GAS7: variants seen among roughly 807,000 people sequenced by gnomAD.
The protein encoded by GAS7 is growth arrest-specific protein 7.
A neutral mutation model predicts 71.1 loss-of-function variants in GAS7; 28 were observed. The ratio of observed to expected loss-of-function variants is 0.39; its 90% CI spans 0.29 to 0.54. The LOEUF (loss-of-function observed/expected upper bound fraction) is 0.54, where lower values mean the gene tolerates loss of function less well. Among genes scored for constraint, GAS7 ranks in the 20% least tolerant of loss-of-function variants. GAS7 has a pLI of 0.62. For synonymous variants in GAS7, 258 were observed against 245.8 expected, an observed-to-expected ratio of 1.05 and a Z score of -0.46; for missense variants, 436 against 627.8, an observed-to-expected ratio of 0.69 and a Z score of 3.27.
At chr17:10,172,342 C>G (rs1347549228) in intron 1 of GAS7, among the ~76,000 whole-genome samples, 1 of 152,170 alleles carries the variant, frequency 6.6e-6, no homozygotes, top group African/African-American at 2.4e-5. Context: ...CCGGCCCTGC[C>G]CAAGGATTCC....
intron 3 of GAS7, among the ~76,000 whole-genome samples, chr17:9,970,401 G>A (rs1217569634): frequency 6.6e-6 from 1 of 152,152 alleles, no homozygotes; most frequent in African/African-American, 2.4e-5. Flanking sequence ...AGGCCGAGGT[G>A]GGCGGATCAT....
intron 1 of GAS7, among the ~76,000 whole-genome samples, chr17:10,073,349 T>G (rs138188329): frequency 6.6e-6 from 1 of 152,184 alleles, no homozygotes; most frequent in East Asian, 1.9e-4. Context: ...CAAGGGGCAC[T>G]CCTCCCCAGC....
At chr17:10,110,471 T>C (rs577954364) in intron 1 of GAS7, among the ~76,000 whole-genome samples, 1 of 152,110 alleles carries the variant, frequency 6.6e-6, no homozygotes, top group Admixed American at 6.5e-5. Context: ...TATAAGTTCT[T>C]TTCTTTTTTT....
intron 1 of GAS7, among the ~76,000 whole-genome samples, chr17:10,079,383 G>A (rs1196248391): frequency 6.6e-6 from 1 of 152,146 alleles, no homozygotes; most frequent in African/African-American, 2.4e-5. Context: ...GATCATGAAG[G>A]GAAATGGGGA....
At position 10,195,352 on chromosome 17, in the gene GAS7, C is replaced by T. The variant is rs149238883; in HGVS notation, c.183+2856G>A. On this transcript the variant is annotated intron_variant, in intron 1 of 13. Transcript: ENST00000432992. ...GGTCTCTCGGTTCCCCTTGCTTCAT[C>T]TGAACAAGGAAGATCTCCTTGGGAA... 3.1e-3 allele frequency among the ~76,000 whole-genome samples: 472 copies of T among 152,316 alleles called. 3 individuals are homozygous for T. The highest frequency in any genetic ancestry group is 0.011 in the African/African-American group (455 of 41,560).
Position 10,188,585 on chromosome 17 carries a change from A to G in GAS7, c.183+9623T>C, listed in dbSNP as rs144736238. Among the ~76,000 whole-genome samples, 729 of 152,280 alleles carry G rather than the reference A, an allele frequency of 4.8e-3. 9 individuals carry two copies. Among genetic ancestry groups the G allele is most frequent in the African/African-American group, 0.017 (692 of 41,564 alleles). ...TTTTTAATTAAATTTGCAATTATTC[A>G]ATCACTGGCGAGACTAAATAGTTGA... is the stretch of plus-strand genomic sequence containing the variant. On this transcript the variant is annotated intron_variant, in intron 1 of 13. Transcript: ENST00000432992.
At chr17:10,005,738 G>A (rs2071504760) in intron 2 of GAS7, among the ~76,000 whole-genome samples, 1 of 152,152 alleles carries the variant, frequency 6.6e-6, no homozygotes, top group African/African-American at 2.4e-5. Flanking sequence ...TCCAGCAAGT[G>A]ACATCTACCC....
At chr17:9,990,130 G>A (rs532861982) in intron 2 of GAS7, among the ~76,000 whole-genome samples, 24 of 152,304 alleles carry the variant, frequency 1.6e-4, no homozygotes, top group Middle Eastern at 3.4e-3. Context: ...TTAGCCGGGC[G>A]TGGTGGCAGG....
chr17:10,165,911 C>T (rs766048589), intron 1 of GAS7, among the ~76,000 whole-genome samples: 15 of 152,164 alleles, frequency 9.9e-5, no homozygotes, highest in Admixed American at 2.0e-4. Flanking sequence ...GGATGCCTCC[C>T]TATTACACAG....
At chr17:10,176,167 A>C (rs1233915437) in intron 1 of GAS7, among the ~76,000 whole-genome samples, 1 of 152,218 alleles carries the variant, frequency 6.6e-6, no homozygotes, top group Non-Finnish European at 1.5e-5. Context: ...CAAATGATTA[A>C]AGCTTGTCTG....
Position 9,914,020 on chromosome 17 carries a change from A to C in GAS7, c.*3208T>G, listed in dbSNP as rs73974334. 9,816 of 230,228 alleles carry C rather than the reference A, an allele frequency of 0.043. 374 individuals are homozygous for C. Among genetic ancestry groups the C allele is most frequent in the African/African-American group, 0.12 (5,435 of 45,152 alleles). 14.3% of individuals were successfully genotyped at this position (230,228 alleles called of 1,614,324 possible). A position where few individuals can be genotyped will look rare whatever the true frequency, so the allele number is the denominator to read the frequency against. ...ACCTAAGCACCAAGACATAAAACAA[A>C]ACAACAACCCGGATAGCGTGCTTGC... is the stretch of plus-strand genomic sequence containing the variant. On this transcript the variant is annotated 3_prime_UTR_variant, in exon 14 of 14. Coordinates refer to ENST00000432992, the MANE Select transcript of GAS7 (RefSeq NM_201433.2).
intron 5 of GAS7, among the ~76,000 whole-genome samples, chr17:9,952,270 C>T (rs2152105443): frequency 6.6e-6 from 1 of 152,352 alleles, no homozygotes; most frequent in African/African-American, 2.4e-5. Context: ...TTAGCAGGGA[C>T]AGGGACAGCC....
intron 1 of GAS7, among the ~76,000 whole-genome samples, chr17:10,090,399 A>C (rs908968244): frequency 6.6e-6 from 1 of 152,230 alleles, no homozygotes; most frequent in Non-Finnish European, 1.5e-5. Flanking sequence ...AATAACCTTG[A>C]GTTTGTCCTG....
intron 1 of GAS7, among the ~76,000 whole-genome samples, chr17:10,134,687 C>CTTGAATTGAATACAAGAATTCA (rs2074024979): frequency 6.6e-6 from 1 of 152,120 alleles, no homozygotes; most frequent in Non-Finnish European, 1.5e-5. Flanking sequence ...AAGGGCAATC[C>CTTGAATTGAATACAAGAATTCA]ATGTGGTAGG....
intron 1 of GAS7, among the ~76,000 whole-genome samples, chr17:10,128,074 C>G (rs1032860917): frequency 6.6e-6 from 1 of 152,196 alleles, no homozygotes; most frequent in Non-Finnish European, 1.5e-5. Flanking sequence ...GGCCTGGGAG[C>G]CAGGGCTCGG....
intron 1 of GAS7, among the ~76,000 whole-genome samples, chr17:10,044,302 C>T (rs11649799): frequency 0.36 from 54,048 of 152,094 alleles, 10,132 homozygotes; most frequent in African/African-American, 0.48. Flanking sequence ...CAGGGCTGAT[C>T]AGCATCACAT....
At chr17:10,044,194 T>C (rs555855813) in intron 1 of GAS7, among the ~76,000 whole-genome samples, 2 of 152,246 alleles carry the variant, frequency 1.3e-5, no homozygotes, top group Non-Finnish European at 2.9e-5. Context: ...TATTCGAGGC[T>C]TATGGCATTG....
intron 1 of GAS7, among the ~76,000 whole-genome samples, chr17:10,187,144 A>G (rs1388203449): frequency 6.6e-6 from 1 of 152,188 alleles, no homozygotes; most frequent in Non-Finnish European, 1.5e-5. Flanking sequence ...ACAATAAAAT[A>G]CCAGCAGAAG....
chr17:9,977,182 T>A (rs996604128), intron 3 of GAS7, among the ~76,000 whole-genome samples: 6 of 152,248 alleles, frequency 3.9e-5, no homozygotes, highest in Non-Finnish European at 7.3e-5. Context: ...TTAAAAATTG[T>A]TCCCCAAATT....
Sources: allele counts gnomAD v4.1 joint callset (sites outside exome capture counted in the v4.1 genomes callset), GRCh38; gene constraint gnomAD v4.1.1; transcripts MANE v1.5; gene names NCBI Gene and HGNC (gene_info 2026-07-23, HGNC 2026-07-21).